Variants in TGM7 observed in about 807,000 individuals in gnomAD.
The protein encoded by TGM7 is transglutaminase 7, also known as protein-glutamine gamma-glutamyltransferase Z.
A neutral mutation model predicts 79.5 loss-of-function variants in TGM7; 74 were observed. The observed-to-expected ratio is 0.93, with a 90% confidence interval of 0.77 to 1.13. TGM7 has a LOEUF of 1.13. Among genes scored for constraint, TGM7 ranks in the 50% most tolerant of loss-of-function variants. The probability of loss-of-function intolerance (pLI) is 0.00; values close to 1 mark genes in which losing one functional copy is unlikely to be tolerated. For synonymous variants in TGM7, 354 were observed against 362.5 expected (o/e 0.98, Z 0.27); for missense variants, 912 against 905.9 (o/e 1.01, Z -0.09).
chr15:43,284,587 G>C (rs576850842), intron 7 of TGM7, among the ~76,000 whole-genome samples: 15 of 152,308 alleles, frequency 9.8e-5, no homozygotes, highest in African/African-American at 3.4e-4. Context: ...TTTGGTTGAG[G>C]CCCCAGAATG....
intron 1 of TGM7, among the ~76,000 whole-genome samples, chr15:43,299,520 T>A (rs2043016242): frequency 1.3e-5 from 2 of 152,152 alleles, no homozygotes; most frequent in South Asian, 4.1e-4. Flanking sequence ...TGGGGTCGGT[T>A]AAAGGAATCA....
In TGM7 at chr15:43,279,097, C is replaced by G. The variant is rs199676630; in HGVS notation, c.1839+20G>C. On this transcript the variant is annotated intron_variant, in intron 11 of 12. Transcript: ENST00000452443. ...GTGAGTCAGAGAGCCTCAGAGCCCC[C>G]ACCCATGTCCAGACACTACCTCAAT... 1.9e-6 allele frequency: 3 copies of G among 1,601,904 alleles called. No individual in the cohort carries two copies. Among genetic ancestry groups the G allele is most frequent in the East Asian group, 2.2e-5 (1 of 44,712 alleles).
chr15:43,292,018 A>G lies in TGM7; in HGVS notation c.519T>C (p.His173=). The G allele has an allele frequency of 1.9e-6, 3 of 1,614,080 alleles. No homozygotes were observed. The highest frequency in any genetic ancestry group is 2.5e-6 in the Non-Finnish European group (3 of 1,179,990). Residue 173 remains histidine, a synonymous_variant, in exon 4 of 13, where the codon CAT becomes CAC. Transcript: ENST00000452443. ...MRDYGFVYKG[H]ERFITSWPWN... ...AGGGCCAGGAGGTGATGAATCTTTC[A>G]TGACCCTTGTAAACAAAGCCATAAT...
chr15:43,286,554 TG>T (rs1234384488), intron 6 of TGM7, among the ~76,000 whole-genome samples: 1 of 152,196 alleles, frequency 6.6e-6, no homozygotes, highest in Non-Finnish European at 1.5e-5. Context: ...AAAAAGTCTC[TG>T]CCCTTGTCTT....
chr15:43,285,001 A>G (rs778390478), intron 6 of TGM7, 49 bp from the exon 7 acceptor site: 10 of 1,606,722 alleles, frequency 6.2e-6, no homozygotes, highest in African/African-American at 4.0e-5. Flanking sequence ...AGGCAGAATT[A>G]TTGGTTTTCC....
At chr15:43,299,387 A>G (rs912804057) in intron 1 of TGM7, among the ~76,000 whole-genome samples, 16 of 152,232 alleles carry the variant, frequency 1.1e-4, no homozygotes, top group African/African-American at 3.9e-4. Context: ...TAAGAGGAAA[A>G]GAAGGACCAC....
chr15:43,296,025 T>A (rs2042990100), intron 1 of TGM7, among the ~76,000 whole-genome samples: 1 of 152,132 alleles, frequency 6.6e-6, no homozygotes, highest in Admixed American at 6.5e-5. Flanking sequence ...TAGCCTGTAA[T>A]AAGAAAATGG....
rs768871208 is a variant in TGM7, at chr15:43,279,858, G to A, written c.1445C>T (p.Ser482Phe). ...ASLPFLDLLE[S>F]GGLRDQPAQL... ...CGCTGGCTGATCCCTAAGACCCCCA[G>A]ACTCCAGGAGATCCAGGAAGGGCAA... is the stretch of plus-strand genomic sequence containing the variant. Residue 482 changes from serine to phenylalanine, a missense_variant, in exon 10 of 13, where the codon TCT becomes TTT. By Grantham distance (155) the Ser-to-Phe change is radical. Transcript: ENST00000452443. 4.3e-6 allele frequency: 7 copies of A among 1,614,216 alleles called. No individual in the cohort carries two copies. Among genetic ancestry groups the A allele is most frequent in the Middle Eastern group, 3.3e-4 (2 of 6,062 alleles).
intron 6 of TGM7, among the ~76,000 whole-genome samples, chr15:43,285,658 A>G (rs2042931784): frequency 6.6e-6 from 1 of 152,186 alleles, no homozygotes; most frequent in African/African-American, 2.4e-5. Flanking sequence ...GAGGGACAAG[A>G]TAGACTTCTA....
At chr15:43,286,792 A>T (rs1328178608) in intron 6 of TGM7, among the ~76,000 whole-genome samples, 1 of 152,206 alleles carries the variant, frequency 6.6e-6, no homozygotes, top group Non-Finnish European at 1.5e-5. Flanking sequence ...GATACTGCAT[A>T]AAACATTGAT....
intron 4 of TGM7, among the ~76,000 whole-genome samples, chr15:43,289,212 C>A (rs1027632233): frequency 6.6e-6 from 1 of 152,140 alleles, no homozygotes; most frequent in African/African-American, 2.4e-5. Flanking sequence ...TCCCTCCCCA[C>A]TCCCCTAACC....
chr15:43,301,981 C>T (rs2043027556), intron 1 of TGM7: 2 of 549,136 alleles, frequency 3.6e-6, no homozygotes, highest in African/African-American at 3.8e-5. Flanking sequence ...CCTCAGACTT[C>T]CCAAGGCCAT....
At chr15:43,286,477 TCA>T (rs1279437606) in intron 6 of TGM7, among the ~76,000 whole-genome samples, 13 of 152,066 alleles carry the variant, frequency 8.5e-5, no homozygotes, top group Non-Finnish European at 1.3e-4. Flanking sequence ...ATTCAAACAC[TCA>T]GATTTAAACC....
intron 4 of TGM7, among the ~76,000 whole-genome samples, chr15:43,289,308 T>C (rs825733): frequency 0.48 from 71,918 of 150,848 alleles, 21,585 homozygotes; most frequent in African/African-American, 0.86. Context: ...TGAGGACATG[T>C]GGTGTTTGGT....
intron 9 of TGM7, among the ~76,000 whole-genome samples, chr15:43,281,349 C>A (rs1230344069): frequency 2.4e-4 from 36 of 152,216 alleles, no homozygotes; most frequent in Admixed American, 2.4e-3. Context: ...GGGGCCCATC[C>A]CCCTGACTCC....
intron 4 of TGM7, among the ~76,000 whole-genome samples, chr15:43,290,329 C>A (rs2042957284): frequency 6.6e-6 from 1 of 152,170 alleles, no homozygotes; most frequent in Non-Finnish European, 1.5e-5. Context: ...GGAATCCTTT[C>A]CCCATTTCTT....
intron 1 of TGM7, among the ~76,000 whole-genome samples, chr15:43,299,414 G>T (rs1215320140): frequency 6.6e-6 from 1 of 152,228 alleles, no homozygotes; most frequent in African/African-American, 2.4e-5. Context: ...TGTGCAAGGG[G>T]CTGGCATCCC....
In TGM7 at chr15:43,297,637, A is replaced by AAAGAAAGAAAG. The variant is rs1566848011; in HGVS notation, c.11-4007_11-4006insCTTTCTTTCTT. 8.7e-5 allele frequency among the ~76,000 whole-genome samples: 11 copies of AAAGAAAGAAAG among 127,146 alleles called. 1 individual carries two copies. Among genetic ancestry groups the AAAGAAAGAAAG allele is most frequent in the South Asian group, 5.1e-4 (2 of 3,900 alleles). 83.4% of individuals were successfully genotyped at this position (127,146 alleles called of 152,430 possible). A position where few individuals can be genotyped will look rare whatever the true frequency, so the allele number is the denominator to read the frequency against. ...AGAAAGAAAGAAAGAAAGAAAGAAA[A>AAAGAAAGAAAG]AGAAAGAAAGAAAAAGACATTGAAA... On this transcript the variant is annotated intron_variant, in intron 1 of 12. Transcript: ENST00000452443.
intron 4 of TGM7, among the ~76,000 whole-genome samples, chr15:43,288,658 C>T (rs1050548399): frequency 3.9e-5 from 6 of 151,998 alleles, no homozygotes; most frequent in Non-Finnish European, 7.4e-5. Flanking sequence ...AAAAATTTGC[C>T]GGCAGCAGTG....
Sources: gnomAD v4.1 joint callset for allele counts (sites outside exome capture counted in the v4.1 genomes callset) on GRCh38, gnomAD v4.1.1 for gene constraint, MANE v1.5 for transcripts, NCBI Gene and HGNC (gene_info 2026-07-23, HGNC 2026-07-21) for gene names.